ABCA13: variants seen among roughly 807,000 people sequenced by gnomAD.
The protein encoded by ABCA13 is ATP binding cassette subfamily A member 13, also known as ATP-binding cassette sub-family A member 13.
A neutral mutation model predicts 478.7 loss-of-function variants in ABCA13; 476 were observed. The observed-to-expected ratio is 0.99, with a 90% CI of 0.92 to 1.07. The LOEUF (loss-of-function observed/expected upper bound fraction) is 1.07. Among genes scored for constraint, ABCA13 ranks in the 50% least tolerant of loss-of-function variants. The pLI is 0.00. For synonymous variants in ABCA13, 2,252 were observed against 2,158.9 expected, an observed-to-expected ratio of 1.04 and a Z score of -1.20; for missense variants, 6,060 against 5,910.6, an observed-to-expected ratio of 1.03 and a Z score of -0.83.
At chr7:48,366,272 C>T (rs1031697697) in intron 31 of ABCA13, among the ~76,000 whole-genome samples, 1 of 151,894 alleles carries the variant, frequency 6.6e-6, no homozygotes, top group Non-Finnish European at 1.5e-5. Flanking sequence ...AGCAGTCTTC[C>T]TTTAGATACC....
Position 48,367,833 on chromosome 7 carries a change from G to A in ABCA13, c.10728G>A (p.Met3576Ile). ...TTGGTTTCTTTTTTCCACTGATAAT[G>A]ATGCTGACGTGGATGGTGTCTGTGG... ...NNVGFFFPLIMMLTWMVSVAS... is the reference protein window; with the variant it reads ...NNVGFFFPLIIMLTWMVSVAS... Residue 3576 changes from methionine to isoleucine, a missense_variant, in exon 32 of 62, where the codon ATG becomes ATA. This residue lies in a region of ABCA13 where 4,423 missense variants were observed against 4,309.1 expected (regional missense o/e 1.03). Transcript: ENST00000435803. The A allele has an allele frequency of 6.3e-7, 1 of 1,578,484 alleles. No individual in the cohort carries two copies. The highest frequency in any genetic ancestry group is 1.8e-5 in the Admixed American group (1 of 54,602).
At position 48,410,630 on chromosome 7, in the gene ABCA13, C is replaced by A; in HGVS notation, c.12181C>A (p.Leu4061Met). The A allele has an allele frequency of 6.2e-7, 1 of 1,614,038 alleles. No homozygotes were observed. Among genetic ancestry groups the A allele is most frequent in the Non-Finnish European group, 8.5e-7 (1 of 1,179,880 alleles). The change falls in exon 40 of 62, where the codon CTG becomes ATG. Residue 4061 changes from leucine to methionine, a missense_variant. This residue lies in a region of ABCA13 where 1,627 missense variants were observed against 1,571.0 expected (regional missense o/e 1.04). Coordinates refer to ENST00000435803, the MANE Select transcript of ABCA13 (RefSeq NM_152701.5). ...CAGGTGCTGCGGTCCTCCCTTCTGC[C>A]TGAAGGAGGCATATGGCCAGGGGCT... ...RLRCCGPPFC[L>M]KEAYGQGLRL... is the part of the protein sequence containing the mutation.
intron 19 of ABCA13, among the ~76,000 whole-genome samples, chr7:48,287,255 G>T (rs927181013): frequency 6.6e-6 from 1 of 152,238 alleles, no homozygotes; most frequent in Non-Finnish European, 1.5e-5. Flanking sequence ...AAAGACATTG[G>T]ATGCAACATG....
At chr7:48,480,219 C>T (rs1247611045) in intron 45 of ABCA13, among the ~76,000 whole-genome samples, 2 of 152,164 alleles carry the variant, frequency 1.3e-5, no homozygotes, top group Non-Finnish European at 2.9e-5. Flanking sequence ...TCCATATAAC[C>T]CCCACCAGTT....
At chr7:48,534,525 G>C (rs181603646) in intron 55 of ABCA13, among the ~76,000 whole-genome samples, 5 of 152,066 alleles carry the variant, frequency 3.3e-5, no homozygotes, top group Non-Finnish European at 7.4e-5. Context: ...GGTGTTCTTT[G>C]AGCTTCTTGT....
intron 42 of ABCA13, among the ~76,000 whole-genome samples, chr7:48,429,216 G>GA (rs1301238716): frequency 2.6e-5 from 4 of 152,108 alleles, no homozygotes; most frequent in African/African-American, 9.7e-5. Context: ...GTTGTTTCCA[G>GA]TTTTTTACTA....
intron 6 of ABCA13, among the ~76,000 whole-genome samples, chr7:48,228,143 G>T (rs1042325520): frequency 6.6e-6 from 1 of 152,098 alleles, no homozygotes; most frequent in African/African-American, 2.4e-5. Context: ...TTTTTTAACT[G>T]TTACTTATTC....
intron 3 of ABCA13, among the ~76,000 whole-genome samples, chr7:48,203,289 C>T (rs955349574): frequency 6.6e-6 from 1 of 152,310 alleles, no homozygotes; most frequent in Non-Finnish European, 1.5e-5. Context: ...TTCCCGCTCG[C>T]GCCTCTCCCT....
chr7:48,275,944 C>G lies in ABCA13; in HGVS notation c.6278C>G (p.Ala2093Gly). 1 of 1,613,680 alleles carries G rather than the reference C, an allele frequency of 6.2e-7. No individual in the cohort carries two copies. Among genetic ancestry groups the G allele is most frequent in the Non-Finnish European group, 8.5e-7 (1 of 1,179,816 alleles). ...NKGIKSINSM[A>G]LQKITLQFAH... ...GGAATCAAAAGTATAAATTCAATGG[C>G]TCTTCAAAAGATAACTTTGCAGTTT... Residue 2093 changes from alanine to glycine, a missense_variant, in exon 17 of 62, where the codon GCT becomes GGT. Transcript: ENST00000435803.
At chr7:48,281,536 A>G in intron 19 of ABCA13, 84 bp downstream of exon 19, 2 of 1,206,896 alleles carry the variant, frequency 1.7e-6, no homozygotes, top group Non-Finnish European at 2.3e-6. Flanking sequence ...AGTATATTGC[A>G]CTTGAGTTTC....
chr7:48,437,595 A>T (rs2129156689), intron 42 of ABCA13, among the ~76,000 whole-genome samples: 1 of 152,136 alleles, frequency 6.6e-6, no homozygotes, highest in East Asian at 1.9e-4. Context: ...ATCTTTATGT[A>T]GTATGTGTTT....
At position 48,391,927 on chromosome 7, in the gene ABCA13, G is replaced by A. The variant is rs1816125447; in HGVS notation, c.11661G>A (p.Met3887Ile). The A allele has an allele frequency of 1.2e-6, 2 of 1,613,798 alleles. No homozygotes were observed. The highest frequency in any genetic ancestry group is 1.7e-6 in the Non-Finnish European group (2 of 1,179,796). The change falls in exon 38 of 62, where the codon ATG becomes ATA. Residue 3887 changes from methionine (M) to isoleucine (I), a missense_variant. Physicochemically the swap from Met to Ile is conservative, Grantham distance 10. Coordinates refer to ENST00000435803, the MANE Select transcript of ABCA13 (RefSeq NM_152701.5). The part of the protein sequence containing the change: ...NGAGKTTIIS[M>I]LTGLHPPTSG... ...GTCTTATTTTCTCTGGCAGATCCAT[G>A]TTGACGGGGCTCCACCCTCCCACTT... is the stretch of plus-strand genomic sequence containing the variant.
intron 55 of ABCA13, among the ~76,000 whole-genome samples, chr7:48,547,426 G>A (rs888209297): frequency 6.6e-6 from 1 of 151,870 alleles, no homozygotes; most frequent in African/African-American, 2.4e-5. Context: ...TCTAAGATAT[G>A]GCAGAATGTG....
intron 27 of ABCA13, among the ~76,000 whole-genome samples, chr7:48,334,643 T>C (rs1805956796): frequency 6.6e-6 from 1 of 152,224 alleles, no homozygotes. Context: ...CCTCTATCCC[T>C]ATTTTTATTG....
At chr7:48,299,324 C>T (rs1799827275) in intron 23 of ABCA13, among the ~76,000 whole-genome samples, 1 of 152,120 alleles carries the variant, frequency 6.6e-6, no homozygotes, top group Non-Finnish European at 1.5e-5. Context: ...TTATTGCAAG[C>T]TTGACGGGTG....
intron 3 of ABCA13, among the ~76,000 whole-genome samples, chr7:48,206,555 C>A (rs1327049494): frequency 2.0e-5 from 3 of 152,030 alleles, no homozygotes; most frequent in Admixed American, 2.0e-4. Flanking sequence ...TTATTTTTCC[C>A]ATGGGTAAGG....
chr7:48,197,583 C>T (rs543073509), intron 2 of ABCA13, among the ~76,000 whole-genome samples: 5 of 152,058 alleles, frequency 3.3e-5, no homozygotes, highest in South Asian at 2.1e-4. Flanking sequence ...AGAAACGGGC[C>T]GGTAATCATA....
intron 15 of ABCA13, 31 bp downstream of exon 15, chr7:48,249,382 G>C: frequency 1.2e-6 from 2 of 1,608,480 alleles, no homozygotes; most frequent in Non-Finnish European, 1.7e-6. Context: ...ACAGGAATGG[G>C]GGATGCTTTC....
At chr7:48,261,891 G>C (rs865959469) in intron 15 of ABCA13, among the ~76,000 whole-genome samples, 1 of 151,872 alleles carries the variant, frequency 6.6e-6, no homozygotes, top group Non-Finnish European at 1.5e-5. Context: ...CATGTCAAAG[G>C]GGGTGGCTTG....
Sources: allele counts gnomAD v4.1 joint callset (sites outside exome capture counted in the v4.1 genomes callset), GRCh38; gene constraint gnomAD v4.1.1; regional missense constraint gnomAD v4.1.1; transcripts MANE v1.5; gene names NCBI Gene and HGNC (gene_info 2026-07-23, HGNC 2026-07-21).